Variants in PAPPA2 observed in about 807,000 individuals in gnomAD.
The protein encoded by PAPPA2 is pappalysin 2.
In PAPPA2, 86 loss-of-function variants were observed where a neutral mutation model predicts 176.4. The ratio of observed to expected loss-of-function variants is 0.49; its 90% CI spans 0.41 to 0.58. The LOEUF is 0.58. PAPPA2 is among the 20% of genes least tolerant of loss of function. PAPPA2 has a pLI of 0.00. For missense variants in PAPPA2, 2,073 were observed against 2,256.9 expected (o/e 0.92, Z 1.65); for synonymous variants, 809 against 852.2 (o/e 0.95, Z 0.88).
rs116813486 is a variant in PAPPA2 at position 176,549,618 on chromosome 1, G to A, written c.-916-5789G>A. ...TGAGGCCATCTGGGTTGATGGAGCTGGAACTTTAAGCCAGCTTAGTGCTCC... is the reference window on the plus strand; with the variant it reads ...TGAGGCCATCTGGGTTGATGGAGCTAGAACTTTAAGCCAGCTTAGTGCTCC... On this transcript the variant is annotated intron_variant, in intron 1 of 22. Transcript: ENST00000367662. Among the ~76,000 whole-genome samples the A allele has an allele frequency of 3.2e-3, 490 of 152,302 alleles. 2 individuals carry two copies. The highest frequency in any genetic ancestry group is 0.011 in the African/African-American group (464 of 41,564).
chr1:176,493,064 C>A (rs1414856380), intron 1 of PAPPA2, among the ~76,000 whole-genome samples: 2 of 152,026 alleles, frequency 1.3e-5, no homozygotes, highest in African/African-American at 4.8e-5. Flanking sequence ...ATATGCTAAC[C>A]AATTATGACT....
intron 12 of PAPPA2, among the ~76,000 whole-genome samples, chr1:176,724,202 G>C (rs978174985): frequency 1.3e-5 from 2 of 152,126 alleles, no homozygotes; most frequent in African/African-American, 4.8e-5. Context: ...TGGATTGTGA[G>C]GAAAGGCTTC....
chr1:176,830,918 G>A (rs1667058002), intron 21 of PAPPA2, among the ~76,000 whole-genome samples: 1 of 152,188 alleles, frequency 6.6e-6, no homozygotes, highest in African/African-American at 2.4e-5. Context: ...ACTTAGAAGA[G>A]GAGGAAGGAT....
chr1:176,793,819 T>C (rs78673484), intron 20 of PAPPA2, 150 bp downstream of exon 20: 8 of 584,910 alleles, frequency 1.4e-5, no homozygotes, highest in Admixed American at 7.9e-5. Flanking sequence ...GATTAAACAT[T>C]GAAAAGAAAA....
chr1:176,566,820 C>T (rs1212457406), intron 2 of PAPPA2, among the ~76,000 whole-genome samples: 1 of 152,116 alleles, frequency 6.6e-6, no homozygotes, highest in Non-Finnish European at 1.5e-5. Context: ...AGGTCTGACT[C>T]CTCTTTCCTC....
At chr1:176,728,340 A>T (rs1661978572) in intron 12 of PAPPA2, among the ~76,000 whole-genome samples, 1 of 152,006 alleles carries the variant, frequency 6.6e-6, no homozygotes, top group African/African-American at 2.4e-5. Context: ...TATTTCACTT[A>T]GTATCACAGT....
At chr1:176,788,668 A>G (rs1157278216) in intron 17 of PAPPA2, among the ~76,000 whole-genome samples, 2 of 152,180 alleles carry the variant, frequency 1.3e-5, no homozygotes, top group Non-Finnish European at 2.9e-5. Context: ...ATTGACTCCA[A>G]TCCACATCAA....
At chr1:176,666,522 G>A (rs879938635) in intron 3 of PAPPA2, among the ~76,000 whole-genome samples, 7 of 151,282 alleles carry the variant, frequency 4.6e-5, no homozygotes, top group Non-Finnish European at 7.4e-5. Flanking sequence ...TTGTGGGATC[G>A]GGAAAAGGGA....
chr1:176,624,229 T>C (rs930428899), intron 3 of PAPPA2, among the ~76,000 whole-genome samples: 1 of 152,192 alleles, frequency 6.6e-6, no homozygotes, highest in Non-Finnish European at 1.5e-5. Context: ...TTCCTTTATG[T>C]TATATCCTTA....
chr1:176,633,002 T>C (rs750612179), intron 3 of PAPPA2, among the ~76,000 whole-genome samples: 1 of 152,100 alleles, frequency 6.6e-6, no homozygotes, highest in Non-Finnish European at 1.5e-5. Flanking sequence ...ATTGAGCACT[T>C]CCTTTGTACT....
chr1:176,739,410 A>T (rs1662565612), intron 12 of PAPPA2, among the ~76,000 whole-genome samples: 1 of 152,190 alleles, frequency 6.6e-6, no homozygotes, highest in African/African-American at 2.4e-5. Flanking sequence ...TAGGATGTTC[A>T]GCATCTGAAA....
intron 1 of PAPPA2, among the ~76,000 whole-genome samples, chr1:176,518,399 A>G (rs181901555): frequency 6.6e-6 from 1 of 152,144 alleles, no homozygotes; most frequent in East Asian, 1.9e-4. Flanking sequence ...GAATGTCCAG[A>G]AGGACTTCAG....
intron 1 of PAPPA2, among the ~76,000 whole-genome samples, chr1:176,538,478 T>C (rs1433404434): frequency 6.6e-6 from 1 of 152,148 alleles, no homozygotes; most frequent in Non-Finnish European, 1.5e-5. Flanking sequence ...CATGCCAAGG[T>C]CTGTGCCTTG....
intron 1 of PAPPA2, among the ~76,000 whole-genome samples, chr1:176,481,162 T>C (rs2102479253): frequency 6.6e-6 from 1 of 152,170 alleles, no homozygotes; most frequent in South Asian, 2.1e-4. Context: ...TCCAAGAATA[T>C]TGATATTCCC....
intron 21 of PAPPA2, among the ~76,000 whole-genome samples, chr1:176,830,020 A>T (rs1667023122): frequency 3.3e-5 from 5 of 152,204 alleles, no homozygotes; most frequent in Admixed American, 3.3e-4. Context: ...TTCAGGTGAT[A>T]TTTTGGGGTG....
chr1:176,811,999 C>T (rs1330532854), intron 21 of PAPPA2, among the ~76,000 whole-genome samples: 1 of 151,970 alleles, frequency 6.6e-6, no homozygotes, highest in East Asian at 1.9e-4. Flanking sequence ...AGATTAACAA[C>T]ATTCGTGAGA....
chr1:176,697,301 C>T (rs1660430421), intron 7 of PAPPA2, among the ~76,000 whole-genome samples: 1 of 152,060 alleles, frequency 6.6e-6, no homozygotes, highest in Non-Finnish European at 1.5e-5. Flanking sequence ...GGTTGATTTC[C>T]AAGGACCTTT....
At chr1:176,752,547 A>G (rs1485011126) in intron 14 of PAPPA2, among the ~76,000 whole-genome samples, 2 of 152,132 alleles carry the variant, frequency 1.3e-5, no homozygotes, top group African/African-American at 2.4e-5. Context: ...AATAATGTAT[A>G]TTTGGTTTGG....
Position 176,833,580 on chromosome 1 carries a change from G to A in PAPPA2, c.5203-6593G>A, listed in dbSNP as rs1195083352. On this transcript the variant is annotated intron_variant, in intron 21 of 22. Coordinates refer to ENST00000367662, the MANE Select transcript of PAPPA2 (RefSeq NM_020318.3). ...TCTTTGTTTTTGGCCTTTGGGAAAT[G>A]TTCTTTTTCTTCTTATGATGCCAGA... Among the ~76,000 whole-genome samples, 3 of 152,212 alleles carry A rather than the reference G, an allele frequency of 2.0e-5. No individual in the cohort carries two copies. The East Asian group carries it at 5.8e-4, about 29-fold the overall frequency.
Sources: gnomAD v4.1 joint callset for allele counts (sites outside exome capture counted in the v4.1 genomes callset) on GRCh38, gnomAD v4.1.1 for gene constraint, MANE v1.5 for transcripts, NCBI Gene and HGNC (gene_info 2026-07-23, HGNC 2026-07-21) for gene names.